The following ABCG2 variants were observed in gnomAD, a reference collection of about 807,000 sequenced individuals.
The protein encoded by ABCG2 is broad substrate specificity ATP-binding cassette transporter ABCG2.
Under a neutral mutation model 73.5 loss-of-function variants are expected in ABCG2, and 80 were observed. The observed-to-expected ratio is 1.09, with a 90% CI of 0.91 to 1.31. ABCG2 has a LOEUF of 1.31. ABCG2 is among the 50% of genes most tolerant of loss of function. The probability of loss-of-function intolerance (pLI) is 0.00; values close to 1 mark genes in which losing one functional copy is unlikely to be tolerated. For synonymous variants in ABCG2, 269 were observed against 282.4 expected (o/e 0.95, Z 0.48); for missense variants, 796 against 786.2 (o/e 1.01, Z -0.15).
intron 11 of ABCG2, 80 bp from the exon 12 acceptor site, chr4:88,099,528 C>A: frequency 2.1e-6 from 3 of 1,413,938 alleles, no homozygotes; most frequent in African/African-American, 1.4e-5. Flanking sequence ...CTGTTACAGA[C>A]CTCTGCTGAC....
chr4:88,124,039 C>A (rs1724204228), intron 5 of ABCG2, among the ~76,000 whole-genome samples: 1 of 152,134 alleles, frequency 6.6e-6, no homozygotes, highest in South Asian at 2.1e-4. Flanking sequence ...ATTTTTCACC[C>A]AGAATTTCAT....
chr4:88,141,982 G>A (rs1725680541), intron 1 of ABCG2, among the ~76,000 whole-genome samples: 1 of 152,008 alleles, frequency 6.6e-6, no homozygotes, highest in Admixed American at 6.6e-5. Context: ...AGCTTTCCTA[G>A]TTTAGACACA....
intron 2 of ABCG2, among the ~76,000 whole-genome samples, chr4:88,137,012 C>CAATAAAATAAAATAA (rs56033368): frequency 0.082 from 10,125 of 123,336 alleles, 695 homozygotes; most frequent in Middle Eastern, 0.14. Flanking sequence ...ACCTCCATCT[C>CAATAAAATAAAATAA]AATAAAATAA....
intron 1 of ABCG2, among the ~76,000 whole-genome samples, chr4:88,200,815 T>G (rs1475183535): frequency 6.6e-6 from 1 of 152,110 alleles, no homozygotes; most frequent in Non-Finnish European, 1.5e-5. Flanking sequence ...CCCAGCCTAT[T>G]TTTCTTATTC....
intron 13 of ABCG2, 28 bp from the exon 14 acceptor site, chr4:88,095,637 G>A (rs755029656): frequency 3.2e-6 from 5 of 1,557,664 alleles, no homozygotes; most frequent in Admixed American, 1.7e-5. Flanking sequence ...TAAAAGTCAG[G>A]CCTGCTTGAG....
intron 1 of ABCG2, among the ~76,000 whole-genome samples, chr4:88,180,399 C>T (rs375041120): frequency 6.6e-6 from 1 of 152,064 alleles, no homozygotes; most frequent in Non-Finnish European, 1.5e-5. Context: ...CAACACCAGG[C>T]CTATCTTACA....
chr4:88,226,784 C>T (rs1730232691), intron 1 of ABCG2: 1 of 152,236 alleles, frequency 6.6e-6, no homozygotes, highest in East Asian at 1.9e-4. Flanking sequence ...TAGCTTGGCC[C>T]CTGGGCAAGG....
intron 10 of ABCG2, among the ~76,000 whole-genome samples, chr4:88,102,363 C>T (rs113822702): frequency 0.028 from 4,293 of 152,132 alleles, 93 homozygotes; most frequent in African/African-American, 0.053. Context: ...TATGGGAGGC[C>T]GGGTCGGGAG....
At chr4:88,179,349 G>A (rs1263844559) in intron 1 of ABCG2, among the ~76,000 whole-genome samples, 1 of 152,108 alleles carries the variant, frequency 6.6e-6, no homozygotes, top group Non-Finnish European at 1.5e-5. Flanking sequence ...CAGGGCTTGG[G>A]GTGCCTCCTA....
At chr4:88,111,923 C>T (rs529565738) in intron 9 of ABCG2, among the ~76,000 whole-genome samples, 2 of 151,890 alleles carry the variant, frequency 1.3e-5, no homozygotes, top group South Asian at 2.1e-4. Flanking sequence ...CCTGTTTCTA[C>T]AAAAAATTAA....
chr4:88,115,270 A>T (rs1394704435), intron 7 of ABCG2, among the ~76,000 whole-genome samples: 1 of 6,872 alleles, frequency 1.5e-4, no homozygotes, highest in Non-Finnish European at 3.1e-4. Context: ...ATATATATAT[A>T]TATATATATA....
rs542187803 is a variant in ABCG2 at position 88,228,506 on chromosome 4, T to C, written c.-20+2488A>G. Among the ~76,000 whole-genome samples the C allele has an allele frequency of 3.3e-4, 51 of 152,360 alleles. 1 individual carries two copies. The highest frequency in any genetic ancestry group is 6.8e-3 in the Middle Eastern group (2 of 294). ...GGGTGGGCTGATTACAACTGTGTTGTATTCTGATCAGTCAGTGCTTATGCT... is the reference window on the plus strand; with the variant it reads ...GGGTGGGCTGATTACAACTGTGTTGCATTCTGATCAGTCAGTGCTTATGCT... On this transcript the variant is annotated intron_variant, in intron 1 of 15. Transcript: ENST00000515655.
chr4:88,100,130 T>C (rs542496734), intron 11 of ABCG2, among the ~76,000 whole-genome samples: 1 of 151,132 alleles, frequency 6.6e-6, no homozygotes, highest in East Asian at 1.9e-4. Context: ...GAAAATGTGA[T>C]CCATCCTTGA....
chr4:88,158,945 T>C (rs1727152490), upstream of ABCG2: 1 of 347,678 alleles, frequency 2.9e-6, no homozygotes, highest in South Asian at 2.1e-5. Context: ...TTTCCCCAGG[T>C]CGGGGTTCGC....
At chr4:88,193,848 G>A (rs1422888251) in intron 1 of ABCG2, among the ~76,000 whole-genome samples, 2 of 152,094 alleles carry the variant, frequency 1.3e-5, no homozygotes, top group Non-Finnish European at 2.9e-5. Context: ...GGATTCAAGC[G>A]ATTCTCATGC....
intron 1 of ABCG2, among the ~76,000 whole-genome samples, chr4:88,147,038 AAAG>A (rs1726086832): frequency 6.6e-6 from 1 of 151,480 alleles, no homozygotes; most frequent in South Asian, 2.1e-4. Context: ...AGAAAGAAAG[AAAG>A]AAAGAAAAGA....
At chr4:88,182,427 A>T (rs916111701) in intron 1 of ABCG2, among the ~76,000 whole-genome samples, 2 of 152,230 alleles carry the variant, frequency 1.3e-5, no homozygotes, top group Non-Finnish European at 2.9e-5. Flanking sequence ...CAGAACATTT[A>T]TCCAACAGCT....
At chr4:88,138,967 C>T (rs930024760) in intron 2 of ABCG2, among the ~76,000 whole-genome samples, 2 of 151,864 alleles carry the variant, frequency 1.3e-5, no homozygotes, top group Non-Finnish European at 2.9e-5. Context: ...ATGGTGAAAC[C>T]CCATCTTGAC....
At chr4:88,188,784 C>G (rs1292356577) in intron 1 of ABCG2, among the ~76,000 whole-genome samples, 3 of 152,024 alleles carry the variant, frequency 2.0e-5, no homozygotes, top group African/African-American at 7.3e-5. Flanking sequence ...AAGGCCAAGG[C>G]AGGCAGATTA....
Sources: gnomAD v4.1 joint callset for allele counts (sites outside exome capture counted in the v4.1 genomes callset) on GRCh38, gnomAD v4.1.1 for gene constraint, MANE v1.5 for transcripts, NCBI Gene and HGNC (gene_info 2026-07-23, HGNC 2026-07-21) for gene names.